Variants in GAS2 observed in about 807,000 individuals in gnomAD.
The protein encoded by GAS2 is growth arrest-specific protein 2.
A neutral mutation model predicts 37.5 loss-of-function variants in GAS2; 20 were observed. That is an observed-to-expected ratio of 0.53 (90% CI 0.37 to 0.77). GAS2 has a LOEUF of 0.77. GAS2 is among the 30% of genes least tolerant of loss of function. GAS2 has a pLI of 0.00. For missense variants in GAS2, 336 were observed against 373.4 expected (o/e 0.90, Z 0.82); for synonymous variants, 144 against 132.2 (o/e 1.09, Z -0.61).
At chr11:22,778,143 A>G (rs553511215) in intron 7 of GAS2, among the ~76,000 whole-genome samples, 13 of 152,338 alleles carry the variant, frequency 8.5e-5, no homozygotes, top group Non-Finnish European at 1.9e-4. Context: ...TAATCTTTCC[A>G]GCTTAAAAGA....
intron 7 of GAS2, among the ~76,000 whole-genome samples, chr11:22,762,286 T>C (rs1045341421): frequency 6.6e-6 from 1 of 152,170 alleles, no homozygotes; most frequent in Admixed American, 6.5e-5. Flanking sequence ...TACAATTTAA[T>C]AAGGATCGTT....
intron 6 of GAS2, among the ~76,000 whole-genome samples, chr11:22,749,540 G>A (rs1853614572): frequency 6.6e-6 from 1 of 151,958 alleles, no homozygotes; most frequent in Non-Finnish European, 1.5e-5. Flanking sequence ...AAACATGAAA[G>A]TCTCTTTGTC....
At chr11:22,775,626 CT>C (rs1457485132) in intron 7 of GAS2, among the ~76,000 whole-genome samples, 1 of 151,802 alleles carries the variant, frequency 6.6e-6, no homozygotes, top group East Asian at 1.9e-4. Context: ...GGGAAATAGT[CT>C]TTTAACATTT....
chr11:22,680,514 G>T (rs1185024002), intron 2 of GAS2, among the ~76,000 whole-genome samples: 2 of 152,140 alleles, frequency 1.3e-5, no homozygotes, highest in African/African-American at 2.4e-5. Flanking sequence ...TATTTGTACT[G>T]AGAGGTACAG....
chr11:22,680,144 T>A (rs430864), intron 2 of GAS2, among the ~76,000 whole-genome samples: 55,910 of 151,906 alleles, frequency 0.37, 11,288 homozygotes, highest in African/African-American at 0.55. Context: ...TTTTACCAGA[T>A]ACTTATTCTG....
intron 7 of GAS2, among the ~76,000 whole-genome samples, chr11:22,790,991 A>G (rs1856131211): frequency 6.6e-6 from 1 of 152,228 alleles, no homozygotes; most frequent in African/African-American, 2.4e-5. Flanking sequence ...CTGAGAGCAT[A>G]GATAACAAAA....
At chr11:22,696,197 G>GT (rs1336856247) in intron 3 of GAS2, among the ~76,000 whole-genome samples, 1 of 150,226 alleles carries the variant, frequency 6.7e-6, no homozygotes, top group Non-Finnish European at 1.5e-5. Context: ...GCGGTGTTTG[G>GT]TTTTTTGTCC....
At chr11:22,769,056 G>C (rs539618101) in intron 7 of GAS2, among the ~76,000 whole-genome samples, 2 of 152,202 alleles carry the variant, frequency 1.3e-5, no homozygotes, top group African/African-American at 2.4e-5. Flanking sequence ...TGAGGTCCAG[G>C]GTTAATAGAA....
intron 7 of GAS2, among the ~76,000 whole-genome samples, chr11:22,791,875 A>G (rs915989372): frequency 1.3e-5 from 2 of 152,222 alleles, no homozygotes; most frequent in Non-Finnish European, 2.9e-5. Context: ...GCTGAATTGA[A>G]AACAATTAGG....
chr11:22,708,032 G>A (rs765834279), intron 3 of GAS2, among the ~76,000 whole-genome samples: 9 of 152,084 alleles, frequency 5.9e-5, no homozygotes, highest in South Asian at 2.1e-4. Context: ...TTATTAAAAG[G>A]TTCAGGGTAA....
chr11:22,704,588 CATATATATATATATATAT>C lies in GAS2; in HGVS notation c.267+18818_267+18835del, dbSNP rs3049395. 3.0e-3 allele frequency among the ~76,000 whole-genome samples: 271 copies of C among 90,514 alleles called. 3 individuals are homozygous for C. Among genetic ancestry groups the C allele is most frequent in the Middle Eastern group, 0.015 (1 of 68 alleles). The allele number at this position is 90,514 out of a possible 152,430, so 59.4% of individuals were successfully genotyped here. A position where few individuals can be genotyped will look rare whatever the true frequency, so the allele number is the denominator to read the frequency against. ...TCAATTAGAAGCCAGTGAAAATAAA[CATATATATATATATATAT>C]ATATATATATATATATATTTTGCTC... is the stretch of plus-strand genomic sequence containing the variant. On this transcript the variant is annotated intron_variant, in intron 3 of 7. Coordinates refer to ENST00000454584, the MANE Select transcript of GAS2 (RefSeq NM_001143830.3).
intron 6 of GAS2, among the ~76,000 whole-genome samples, chr11:22,749,611 T>A (rs1479671114): frequency 1.3e-5 from 2 of 151,978 alleles, no homozygotes; most frequent in African/African-American, 2.4e-5. Context: ...TTGAGGATTG[T>A]TAAAGAAGGG....
At chr11:22,675,422 A>G (rs570269883) in intron 2 of GAS2, among the ~76,000 whole-genome samples, 1 of 152,312 alleles carries the variant, frequency 6.6e-6, no homozygotes, top group Non-Finnish European at 1.5e-5. Flanking sequence ...CACACCTTCT[A>G]AAACTGCTGA....
At chr11:22,653,005 TTC>T (rs1491238309) in intron 1 of GAS2, among the ~76,000 whole-genome samples, 35 of 86,626 alleles carry the variant, frequency 4.0e-4, no homozygotes, top group African/African-American at 1.8e-3. Flanking sequence ...CTTTCTTTCT[TTC>T]TTTCTTTCTT....
intron 7 of GAS2, among the ~76,000 whole-genome samples, chr11:22,797,109 C>A (rs990967832): frequency 2.0e-5 from 3 of 151,998 alleles, no homozygotes; most frequent in Non-Finnish European, 4.4e-5. Flanking sequence ...GGAGACTAAG[C>A]CTTCTTAATT....
intron 7 of GAS2, among the ~76,000 whole-genome samples, chr11:22,801,592 G>A (rs893534315): frequency 4.6e-5 from 7 of 151,788 alleles, no homozygotes; most frequent in African/African-American, 1.2e-4. Context: ...AATGATACAC[G>A]GACCATTAAA....
intron 4 of GAS2, among the ~76,000 whole-genome samples, chr11:22,733,902 C>A (rs1011120757): frequency 2.0e-5 from 3 of 151,796 alleles, no homozygotes; most frequent in African/African-American, 7.2e-5. Flanking sequence ...GCAATCCTCT[C>A]TTCTACCCCA....
At chr11:22,743,408 G>T (rs1190910161) in intron 5 of GAS2, among the ~76,000 whole-genome samples, 1 of 152,042 alleles carries the variant, frequency 6.6e-6, no homozygotes, top group African/African-American at 2.4e-5. Context: ...CTCAGATGTT[G>T]TGCCATGTGT....
rs1452348157 is a variant in GAS2 at position 22,812,712 on chromosome 11, C to T, written c.*696C>T. The T allele has an allele frequency of 6.6e-6, 1 of 152,480 alleles. No individual in the cohort carries two copies. Among genetic ancestry groups the T allele is most frequent in the African/African-American group, 2.4e-5 (1 of 41,414 alleles). The allele number at this position is 152,480 out of a possible 1,614,324, so 9.4% of individuals were successfully genotyped here. On this transcript the variant is annotated 3_prime_UTR_variant, in exon 8 of 8. Transcript: ENST00000454584. ...AGCACATGGCTGTGTTTAGAATGAT[C>T]TAGTGTAATTCATACATGAGCTGAC...
Sources: gnomAD v4.1 joint callset for allele counts (sites outside exome capture counted in the v4.1 genomes callset) on GRCh38, gnomAD v4.1.1 for gene constraint, MANE v1.5 for transcripts, NCBI Gene and HGNC (gene_info 2026-07-23, HGNC 2026-07-21) for gene names.